Variants in PSD3 observed in about 807,000 individuals in gnomAD.
PSD3 encodes pleckstrin and Sec7 domain containing 3.
Under a neutral mutation model 105.5 loss-of-function variants are expected in PSD3, and 49 were observed. The observed-to-expected ratio is 0.46, with a 90% CI of 0.37 to 0.59. The LOEUF is 0.59. Among genes scored for constraint, PSD3 ranks in the 20% least tolerant of loss-of-function variants. The probability of loss-of-function intolerance (pLI) is 0.00; values close to 1 mark genes in which losing one functional copy is unlikely to be tolerated. For missense variants in PSD3, 1,561 were observed against 1,263.8 expected (o/e 1.24, Z -3.57); for synonymous variants, 557 against 457.8 (o/e 1.22, Z -2.77).
At chr8:18,827,927 T>TAA (rs764189833) in intron 4 of PSD3, among the ~76,000 whole-genome samples, 2 of 127,944 alleles carry the variant, frequency 1.6e-5, no homozygotes, top group South Asian at 2.5e-4. Flanking sequence ...GGCAGCAGAT[T>TAA]AAAAAAAAAA....
At chr8:18,551,543 C>A (rs1441496031) in intron 15 of PSD3, among the ~76,000 whole-genome samples, 1 of 152,086 alleles carries the variant, frequency 6.6e-6, no homozygotes. Flanking sequence ...TATTCTGTCC[C>A]AAGAAATTTA....
In PSD3 at chr8:18,648,349, A is replaced by G. The variant is rs181446020; in HGVS notation, c.2216+7293T>C. 8.9e-4 allele frequency among the ~76,000 whole-genome samples: 135 copies of G among 152,216 alleles called. 1 individual carries two copies. The highest frequency in any genetic ancestry group is 3.1e-3 in the African/African-American group (127 of 41,542). On this transcript the variant is annotated intron_variant, in intron 10 of 15. Coordinates refer to ENST00000327040, the MANE Select transcript of PSD3 (RefSeq NM_015310.4). Reference sequence around the variant, plus strand: ...GGCAATGAGGAACTTATTGGGAACTAAAGCAAAGGTTATGTTTGTTATGCG... The same window carrying G: ...GGCAATGAGGAACTTATTGGGAACTGAAGCAAAGGTTATGTTTGTTATGCG...
At chr8:18,611,173 T>A (rs1429408765) in intron 11 of PSD3, among the ~76,000 whole-genome samples, 1 of 150,532 alleles carries the variant, frequency 6.6e-6, no homozygotes, top group Non-Finnish European at 1.5e-5. Flanking sequence ...AAGGAGGAGG[T>A]CATTAATTCT....
At chr8:18,759,247 C>G (rs1453125379) in intron 9 of PSD3, among the ~76,000 whole-genome samples, 2 of 152,086 alleles carry the variant, frequency 1.3e-5, no homozygotes, top group Non-Finnish European at 2.9e-5. Flanking sequence ...TGTCAAACAT[C>G]TAATAGCAAG....
At chr8:18,575,363 A>C in intron 12 of PSD3, 78 bp from the exon 13 acceptor site, 3 of 1,362,772 alleles carry the variant, frequency 2.2e-6, no homozygotes, top group Non-Finnish European at 2.9e-6. Flanking sequence ...CAAAAACTAA[A>C]AAAATAGTTT....
At chr8:18,998,728 C>T (rs1411960458) in intron 1 of PSD3, among the ~76,000 whole-genome samples, 3 of 151,966 alleles carry the variant, frequency 2.0e-5, no homozygotes, top group African/African-American at 7.2e-5. Flanking sequence ...AAAAGGTCCA[C>T]CCTTTCTGCA....
At chr8:18,865,259 TATATATATATATATATATA>T (rs1563360230) in intron 4 of PSD3, 161 of 6,856 alleles carry the variant, frequency 0.023, 24 homozygotes, top group East Asian at 0.066. Flanking sequence ...TATATATATA[TATATATATATATATATATA>T]TATATATATT....
intron 2 of PSD3, among the ~76,000 whole-genome samples, chr8:18,885,515 T>G (rs974102526): frequency 3.9e-5 from 6 of 152,200 alleles, no homozygotes; most frequent in Non-Finnish European, 5.9e-5. Flanking sequence ...GCTGGAGTTC[T>G]TCACAGTGAT....
chr8:18,557,856 T>C (rs558259550), intron 14 of PSD3, among the ~76,000 whole-genome samples: 2 of 152,348 alleles, frequency 1.3e-5, no homozygotes, highest in Admixed American at 6.5e-5. Flanking sequence ...AAGGAGACTA[T>C]CAACTATGTT....
chr8:18,881,980 G>A (rs375911354), intron 2 of PSD3, among the ~76,000 whole-genome samples: 1 of 152,180 alleles, frequency 6.6e-6, no homozygotes, highest in East Asian at 1.9e-4. Flanking sequence ...GCTTGAGGCA[G>A]GAGGTTCACT....
chr8:18,893,707 T>TCCAGGC lies in PSD3; in HGVS notation c.131-20980_131-20975dup, dbSNP rs1158922720. On this transcript the variant is annotated intron_variant, in intron 2 of 15. Transcript: ENST00000327040. Reference sequence around the variant, plus strand: ...GAGGGCAGGGAAGCAGGATCAGAACTCCAGGCCCAGGCCCAGGAGCAGAGC... The same window carrying TCCAGGC: ...GAGGGCAGGGAAGCAGGATCAGAACTCCAGGCCCAGGCCCAGGCCCAGGAGCAGAGC... Among the ~76,000 whole-genome samples the TCCAGGC allele has an allele frequency of 2.6e-5, 4 of 151,996 alleles. No homozygotes were observed. In the East Asian group the frequency reaches 5.8e-4, roughly 22 times the overall value.
chr8:18,821,684 AAC>A (rs10527060), intron 4 of PSD3, among the ~76,000 whole-genome samples: 4,112 of 131,350 alleles, frequency 0.031, 203 homozygotes, highest in African/African-American at 0.11. Context: ...TGACCCCCAC[AAC>A]ACACACACAC....
At chr8:18,865,239 T>C (rs1816744069) in intron 4 of PSD3, 1 of 3,852 alleles carries the variant, frequency 2.6e-4, no homozygotes, top group African/African-American at 1.3e-3. Flanking sequence ...TATATATATA[T>C]ATATATATAT....
intron 9 of PSD3, among the ~76,000 whole-genome samples, chr8:18,726,633 T>C (rs1056136691): frequency 6.6e-6 from 1 of 152,214 alleles, no homozygotes; most frequent in African/African-American, 2.4e-5. Context: ...TCAGAGTCTA[T>C]TAGAACATGA....
chr8:19,067,287 A>G (rs1829105603), intron 1 of PSD3, among the ~76,000 whole-genome samples: 1 of 152,178 alleles, frequency 6.6e-6, no homozygotes, highest in Non-Finnish European at 1.5e-5. Flanking sequence ...GTGGTACAGT[A>G]TGTTCATATC....
intron 1 of PSD3, among the ~76,000 whole-genome samples, chr8:19,034,478 T>TG (rs1827878812): frequency 6.6e-6 from 1 of 152,162 alleles, no homozygotes; most frequent in Non-Finnish European, 1.5e-5. Context: ...GCCAGAGAAG[T>TG]GAGTCACTGC....
intron 2 of PSD3, among the ~76,000 whole-genome samples, chr8:18,913,094 C>CACAA (rs1554540522): frequency 1.9e-4 from 26 of 136,288 alleles, no homozygotes; most frequent in Admixed American, 3.1e-4. Flanking sequence ...CAAACACACA[C>CACAA]ACACACACAC....
At chr8:18,814,804 C>A (rs563029867) in intron 4 of PSD3, among the ~76,000 whole-genome samples, 73 of 152,268 alleles carry the variant, frequency 4.8e-4, no homozygotes, top group African/African-American at 1.6e-3. Context: ...TTTCTGGAGT[C>A]TTCTTAAGAT....
chr8:19,060,203 G>A lies in PSD3; in HGVS notation c.324+24003C>T, dbSNP rs141010524. 2.1e-3 allele frequency among the ~76,000 whole-genome samples: 317 copies of A among 152,282 alleles called. 1 individual carries two copies. The highest frequency in any genetic ancestry group is 7.3e-3 in the African/African-American group (303 of 41,554). On this transcript the variant is annotated intron_variant, in intron 1 of 1. Transcript: ENST00000521475. ...TTAAGTTTTGGAATTTAAGGATTAT[G>A]TGGATTCAGGTGACTAGAGGAAAAT...
Sources: gnomAD v4.1 joint callset for allele counts (sites outside exome capture counted in the v4.1 genomes callset) on GRCh38, gnomAD v4.1.1 for gene constraint, MANE v1.5 for transcripts, NCBI Gene and HGNC (gene_info 2026-07-23, HGNC 2026-07-21) for gene names.